Variants in TGFBRAP1 observed in about 807,000 individuals in gnomAD.
The protein encoded by TGFBRAP1 is transforming growth factor-beta receptor-associated protein 1.
A neutral mutation model predicts 83.2 loss-of-function variants in TGFBRAP1; 20 were observed. The observed-to-expected ratio is 0.24, with a 90% CI of 0.17 to 0.35. The LOEUF (loss-of-function observed/expected upper bound fraction) is 0.35, where lower values mean the gene tolerates loss of function less well. Ranked by LOEUF, TGFBRAP1 falls within the 10% of genes least tolerant of loss-of-function variation. The probability of loss-of-function intolerance (pLI) is 1.00; values close to 1 mark genes in which losing one functional copy is unlikely to be tolerated. For synonymous variants in TGFBRAP1, 415 were observed against 459.8 expected, an observed-to-expected ratio of 0.90 and a Z score of 1.25; for missense variants, 950 against 1,099.4, an observed-to-expected ratio of 0.86 and a Z score of 1.92.
chr2:105,308,445 A>T (rs1451046886), intron 1 of TGFBRAP1, 127 bp from the exon 2 acceptor site: 7 of 1,020,852 alleles, frequency 6.9e-6, no homozygotes, highest in Non-Finnish European at 9.7e-6. Flanking sequence ...CGCTATCAAA[A>T]AATGGAAAGA....
intron 2 of TGFBRAP1, among the ~76,000 whole-genome samples, chr2:105,300,833 C>T (rs1386592329): frequency 6.6e-6 from 1 of 152,172 alleles, no homozygotes; most frequent in Non-Finnish European, 1.5e-5. Context: ...AGACCCAATA[C>T]ATTAGGAAAT....
chr2:105,310,506 CTA>C (rs1678655665), intron 1 of TGFBRAP1, among the ~76,000 whole-genome samples: 1 of 152,118 alleles, frequency 6.6e-6, no homozygotes, highest in African/African-American at 2.4e-5. Flanking sequence ...TTCACAGAAA[CTA>C]TGGAAAAGAG....
intron 1 of TGFBRAP1, among the ~76,000 whole-genome samples, chr2:105,316,613 G>A (rs1432554475): frequency 3.3e-5 from 5 of 152,034 alleles, no homozygotes; most frequent in Admixed American, 2.0e-4. Context: ...TCAGGAGTTC[G>A]AGACCAGCCT....
chr2:105,329,049 C>T (rs536448556), intron 1 of TGFBRAP1, among the ~76,000 whole-genome samples: 1 of 152,298 alleles, frequency 6.6e-6, no homozygotes, highest in South Asian at 2.1e-4. Context: ...AAGCCCAGCA[C>T]AGCACTTTTC....
chr2:105,260,748 A>C (rs1341878578), downstream of TGFBRAP1, among the ~76,000 whole-genome samples: 1 of 152,226 alleles, frequency 6.6e-6, no homozygotes, highest in East Asian at 1.9e-4. Context: ...TGATAAACTT[A>C]ATGTTATGTA....
chr2:105,279,951 T>C (rs1677474196), intron 6 of TGFBRAP1, among the ~76,000 whole-genome samples: 1 of 151,718 alleles, frequency 6.6e-6, no homozygotes, highest in African/African-American at 2.4e-5. Flanking sequence ...GGCAGGAGAA[T>C]TGCTTGAACC....
Position 105,273,559 on chromosome 2 carries a change from T to C in TGFBRAP1, c.1797A>G (p.Ile599Met), listed in dbSNP as rs774234391. 7 of 1,614,068 alleles carry C rather than the reference T, an allele frequency of 4.3e-6. No individual in the cohort carries two copies. In the South Asian group the frequency reaches 6.6e-5, roughly 15 times the overall value. The change falls in exon 9 of 12, where the codon ATA becomes ATG. Residue 599 changes from isoleucine to methionine, a missense_variant. Transcript: ENST00000393359. ...CAGTGCTCACCTGCAGTCTCTTGTCTATCACAAGATGTTCCAGATACTTCA... is the reference window on the plus strand; with the variant it reads ...CAGTGCTCACCTGCAGTCTCTTGTCCATCACAAGATGTTCCAGATACTTCA... ...ALVKYLEHLV[I>M]DKRLQKEEYH...
intron 1 of TGFBRAP1, among the ~76,000 whole-genome samples, chr2:105,316,476 C>A (rs1055691996): frequency 7.8e-5 from 5 of 64,470 alleles, no homozygotes; most frequent in South Asian, 4.5e-4. Flanking sequence ...CGCGCGCGCG[C>A]GCGCACGCGC....
chr2:105,305,393 T>C (rs951118772), intron 2 of TGFBRAP1, among the ~76,000 whole-genome samples: 3 of 152,182 alleles, frequency 2.0e-5, no homozygotes, highest in African/African-American at 7.2e-5. Context: ...CATAAACACA[T>C]ACACTAACTC....
At chr2:105,290,325 C>A (rs181427287) in intron 4 of TGFBRAP1, among the ~76,000 whole-genome samples, 13 of 152,132 alleles carry the variant, frequency 8.5e-5, no homozygotes, top group Non-Finnish European at 1.8e-4. Context: ...TCTCAGCCTC[C>A]CAAAGTGCTG....
At chr2:105,292,662 G>C (rs991391850) in intron 4 of TGFBRAP1, among the ~76,000 whole-genome samples, 1 of 151,828 alleles carries the variant, frequency 6.6e-6, no homozygotes, top group Non-Finnish European at 1.5e-5. Flanking sequence ...GGGAGAAGGA[G>C]GGAGAGAGAG....
At chr2:105,315,814 C>T (rs1171269756) in intron 1 of TGFBRAP1, among the ~76,000 whole-genome samples, 1 of 152,142 alleles carries the variant, frequency 6.6e-6, no homozygotes, top group African/African-American at 2.4e-5. Context: ...CTTAAACATG[C>T]ATTTGTCCAG....
rs768209984 is a variant in TGFBRAP1 at position 105,298,641 on chromosome 2, A to G, written c.753T>C (p.Ile251=). The change falls in exon 3 of 12, where the codon ATT becomes ATC. Residue 251 remains isoleucine, a synonymous_variant. Coordinates refer to ENST00000393359, the MANE Select transcript of TGFBRAP1 (RefSeq NM_004257.6). ...CGTATGGAAAGGACACAGCCGCCCCAATCACATTCTCCGACCAGTGCACGG... is the reference window on the plus strand; with the variant it reads ...CGTATGGAAAGGACACAGCCGCCCCGATCACATTCTCCGACCAGTGCACGG... The part of the protein sequence containing the change: ...RAPVHWSENV[I]GAAVSFPYVI... 3 of 1,613,848 alleles carry G rather than the reference A, an allele frequency of 1.9e-6. No individual in the cohort carries two copies. Among genetic ancestry groups the G allele is most frequent in the East Asian group, 2.2e-5 (1 of 44,880 alleles).
At chr2:105,296,241 TA>T in intron 4 of TGFBRAP1, 114 bp downstream of exon 4, 1 of 1,273,158 alleles carries the variant, frequency 7.9e-7, no homozygotes, top group Non-Finnish European at 1.1e-6. Flanking sequence ...ACAACAGATA[TA>T]AAAGCAGTGT....
intron 6 of TGFBRAP1, among the ~76,000 whole-genome samples, chr2:105,278,068 ATG>A (rs56983977): frequency 0.062 from 9,048 of 145,264 alleles, 312 homozygotes; most frequent in East Asian, 0.14. Flanking sequence ...CAAAAAATAT[ATG>A]TGTGTGTGTG....
At chr2:105,284,860 G>C (rs1677661033) in intron 4 of TGFBRAP1, among the ~76,000 whole-genome samples, 1 of 152,160 alleles carries the variant, frequency 6.6e-6, no homozygotes, top group Non-Finnish European at 1.5e-5. Context: ...AATGCTGCAT[G>C]TTCCATCTCC....
intron 11 of TGFBRAP1, among the ~76,000 whole-genome samples, chr2:105,268,164 C>T (rs1677009701): frequency 6.6e-6 from 1 of 152,186 alleles, no homozygotes; most frequent in Admixed American, 6.5e-5. Context: ...TCAACCGAGG[C>T]AGGTTGGTCT....
chr2:105,269,796 G>A lies in TGFBRAP1; in HGVS notation c.1973-91C>T. 7.3e-7 allele frequency: 1 copy of A among 1,371,324 alleles called. No homozygotes were observed. Among genetic ancestry groups the A allele is most frequent in the Non-Finnish European group, 9.5e-7 (1 of 1,049,778 alleles). 84.9% of individuals were successfully genotyped at this position (1,371,324 alleles called of 1,614,324 possible). A position where few individuals can be genotyped will look rare whatever the true frequency, so the allele number is the denominator to read the frequency against. ...TCCTTGCTGCTCTGGGCTTCAGGAG[G>A]GGAAAAGTCAACCTGGCTCCCTCAC... On this transcript the variant is annotated intron_variant, in intron 10 of 11. Transcript: ENST00000393359. This position sits in a 1 kb window ranked among gnomAD's most constrained non-coding sequence, Gnocchi z 4.1.
intron 1 of TGFBRAP1, among the ~76,000 whole-genome samples, chr2:105,309,600 T>C (rs903442042): frequency 2.0e-5 from 3 of 152,128 alleles, no homozygotes; most frequent in Non-Finnish European, 4.4e-5. Context: ...CCCCCATCCA[T>C]GGGGGCAATG....
Sources: allele counts gnomAD v4.1 joint callset (sites outside exome capture counted in the v4.1 genomes callset), GRCh38; gene constraint gnomAD v4.1.1; non-coding constraint Gnocchi (gnomAD v3.1); transcripts MANE v1.5; gene names NCBI Gene and HGNC (gene_info 2026-07-23, HGNC 2026-07-21).